Variants in MTUS2 observed in about 807,000 individuals in gnomAD.
MTUS2 encodes microtubule-associated tumor suppressor candidate 2.
MTUS2 carries 40 observed loss-of-function variants against 114.1 expected under a neutral mutation model. The observed-to-expected ratio is 0.35, with a 90% CI of 0.27 to 0.46. The LOEUF (loss-of-function observed/expected upper bound fraction) is 0.46, where lower values mean the gene tolerates loss of function less well. MTUS2 is among the 20% of genes least tolerant of loss of function. The probability of loss-of-function intolerance (pLI) is 1.00; values close to 1 mark genes in which losing one functional copy is unlikely to be tolerated. For synonymous variants in MTUS2, 688 were observed against 672.0 expected, an observed-to-expected ratio of 1.02 and a Z score of -0.37; for missense variants, 1,679 against 1,705.4, an observed-to-expected ratio of 0.98 and a Z score of 0.27.
At chr13:28,901,554 G>A (rs1178641813) in intron 2 of MTUS2, among the ~76,000 whole-genome samples, 3 of 152,136 alleles carry the variant, frequency 2.0e-5, no homozygotes, top group Non-Finnish European at 4.4e-5. Context: ...ATAAGGCTTA[G>A]GTTGAGGTTC....
intron 8 of MTUS2, among the ~76,000 whole-genome samples, chr13:29,432,008 CTATTT>C (rs1877027332): frequency 8.4e-6 from 1 of 119,142 alleles, no homozygotes; most frequent in Non-Finnish European, 1.7e-5. Flanking sequence ...CCACGCTCAG[CTATTT>C]TTTTTTTTTT....
chr13:29,489,185 C>T (rs983697041), intron 11 of MTUS2, among the ~76,000 whole-genome samples: 3 of 152,026 alleles, frequency 2.0e-5, no homozygotes, highest in South Asian at 2.1e-4. Context: ...GCAGGAGAAT[C>T]GCCTGAACCC....
chr13:28,993,997 A>G (rs1425679437), intron 2 of MTUS2, among the ~76,000 whole-genome samples: 1 of 151,974 alleles, frequency 6.6e-6, no homozygotes, highest in Non-Finnish European at 1.5e-5. Flanking sequence ...GGTGTGCTGC[A>G]CCCATTAACT....
chr13:28,971,501 A>C (rs1049008648), intron 2 of MTUS2, among the ~76,000 whole-genome samples: 2 of 152,224 alleles, frequency 1.3e-5, no homozygotes, highest in African/African-American at 4.8e-5. Flanking sequence ...TTAATAGGTG[A>C]GAGAAATACT....
At chr13:28,968,980 A>G (rs935168285) in intron 2 of MTUS2, among the ~76,000 whole-genome samples, 1 of 152,192 alleles carries the variant, frequency 6.6e-6, no homozygotes, top group African/African-American at 2.4e-5. Flanking sequence ...ATAGACTACA[A>G]CTGATGATAT....
intron 2 of MTUS2, among the ~76,000 whole-genome samples, chr13:28,980,100 G>A (rs188694316): frequency 6.6e-6 from 1 of 152,242 alleles, no homozygotes; most frequent in East Asian, 1.9e-4. Flanking sequence ...ATTTTGAAAA[G>A]GAAGTCACTT....
intron 5 of MTUS2, among the ~76,000 whole-genome samples, chr13:29,256,529 T>C (rs967901411): frequency 3.9e-5 from 6 of 152,236 alleles, no homozygotes; most frequent in African/African-American, 1.4e-4. Context: ...CTTCCTATCG[T>C]CACACTTTCA....
At chr13:29,220,386 C>G (rs1369900819) in intron 5 of MTUS2, among the ~76,000 whole-genome samples, 1 of 152,252 alleles carries the variant, frequency 6.6e-6, no homozygotes, top group Non-Finnish European at 1.5e-5. Context: ...TAGCTTTCAG[C>G]TTATTTTGGC....
At chr13:28,869,140 C>A (rs1312282290) in intron 2 of MTUS2, among the ~76,000 whole-genome samples, 3 of 152,242 alleles carry the variant, frequency 2.0e-5, no homozygotes, top group Admixed American at 2.0e-4. Context: ...CCATTTGGAG[C>A]TGTTGAAGAG....
At chr13:28,860,314 T>C (rs1282992630) in intron 2 of MTUS2, among the ~76,000 whole-genome samples, 1 of 152,208 alleles carries the variant, frequency 6.6e-6, no homozygotes, top group African/African-American at 2.4e-5. Context: ...CAGCTTTTTG[T>C]AGGAATCAGG....
chr13:29,398,282 GA>G (rs1874059777), intron 8 of MTUS2, among the ~76,000 whole-genome samples: 1 of 151,974 alleles, frequency 6.6e-6, no homozygotes, highest in Non-Finnish European at 1.5e-5. Flanking sequence ...CCAACATGGC[GA>G]AATCTCGTCT....
At chr13:28,867,828 G>T (rs1173014681) in intron 2 of MTUS2, among the ~76,000 whole-genome samples, 1 of 152,066 alleles carries the variant, frequency 6.6e-6, no homozygotes, top group Non-Finnish European at 1.5e-5. Flanking sequence ...TCTTTTTTCT[G>T]AAATACTGTA....
In MTUS2 at chr13:28,845,832, A is replaced by T. The variant is rs528239239; in HGVS notation, c.-243+5982A>T. Among the ~76,000 whole-genome samples the T allele has an allele frequency of 2.9e-4, 44 of 151,874 alleles. No individual in the cohort carries two copies. In the South Asian group the frequency reaches 8.7e-3, roughly 30 times the overall value. The stretch of plus-strand genomic sequence containing the variant: ...ACTTTACTTATGTTACAGTTTCCTT[A>T]CCTTAAAAGGGGATGGTACCTGGCT... On this transcript the variant is annotated intron_variant, in intron 2 of 15. Transcript: ENST00000612955.
chr13:29,224,025 C>G (rs542879410), intron 5 of MTUS2, among the ~76,000 whole-genome samples: 11 of 152,318 alleles, frequency 7.2e-5, no homozygotes, highest in Admixed American at 4.6e-4. Context: ...ACCCCACACT[C>G]TCTCACTCAC....
At position 29,428,576 on chromosome 13, in the gene MTUS2, G is replaced by T. The variant is rs1233229319; in HGVS notation, c.3118-11407G>T. On this transcript the variant is annotated intron_variant, in intron 8 of 15. Transcript: ENST00000612955. ...CAGTGGCAAAGTGACCCTCCCTCCT[G>T]CCTGTCCCCTCCCTTCCTGGCTCCC... 44 of 851,078 alleles carry T rather than the reference G, an allele frequency of 5.2e-5. No individual in the cohort carries two copies. In the Admixed American group the frequency reaches 1.3e-3, roughly 25 times the overall value. The allele number at this position is 851,078 out of a possible 1,614,324, so 52.7% of individuals were successfully genotyped here.
intron 5 of MTUS2, among the ~76,000 whole-genome samples, chr13:29,108,587 A>G (rs1056205855): frequency 6.6e-6 from 1 of 152,202 alleles, no homozygotes; most frequent in African/African-American, 2.4e-5. Flanking sequence ...CAGGGCTGCC[A>G]TGACCTGGAC....
At chr13:29,028,167 A>G (rs1461045856) in intron 3 of MTUS2, among the ~76,000 whole-genome samples, 2 of 152,102 alleles carry the variant, frequency 1.3e-5, no homozygotes, top group Non-Finnish European at 2.9e-5. Flanking sequence ...CCTGGCCAAC[A>G]TGGTGAAACC....
intron 7 of MTUS2, among the ~76,000 whole-genome samples, chr13:29,350,874 A>G (rs1341686453): frequency 2.0e-5 from 3 of 151,284 alleles, no homozygotes; most frequent in Admixed American, 2.0e-4. Flanking sequence ...CCCATTCATG[A>G]GGGCCCCACT....
intron 3 of MTUS2, among the ~76,000 whole-genome samples, chr13:29,032,650 A>G (rs1886881340): frequency 6.6e-6 from 1 of 152,184 alleles, no homozygotes; most frequent in Admixed American, 6.5e-5. Context: ...TAAAACTTTA[A>G]AGGCCTAATC....
Sources: allele counts gnomAD v4.1 joint callset (sites outside exome capture counted in the v4.1 genomes callset), GRCh38; gene constraint gnomAD v4.1.1; transcripts MANE v1.5; gene names NCBI Gene and HGNC (gene_info 2026-07-23, HGNC 2026-07-21).